Variants in ENPP3 observed in about 807,000 individuals in gnomAD.
ENPP3 encodes ectonucleotide pyrophosphatase/phosphodiesterase family member 3.
A neutral mutation model predicts 117.8 loss-of-function variants in ENPP3; 104 were observed. The ratio of observed to expected loss-of-function variants is 0.88; its 90% confidence interval spans 0.75 to 1.04. The LOEUF is 1.04. Among genes scored for constraint, ENPP3 ranks in the 50% least tolerant of loss-of-function variants. The pLI, the probability that ENPP3 is intolerant of heterozygous loss-of-function variation, is 0.00. For synonymous variants in ENPP3, 380 were observed against 349.9 expected (o/e 1.09, Z -0.96); for missense variants, 1,026 against 1,051.9 (o/e 0.98, Z 0.34).
Position 131,725,440 on chromosome 6 carries a change from T to A in ENPP3, c.1799-606T>A, listed in dbSNP as rs1467958237. Among the ~76,000 whole-genome samples, 3 of 151,884 alleles carry A rather than the reference T, an allele frequency of 2.0e-5. No individual in the cohort carries two copies. In the East Asian group the frequency reaches 5.8e-4, roughly 29 times the overall value. ...CTCTGAGCTCGTATAGTGGAAGGAG[T>A]GAAGGTGTCCCTAGGGTGTCTTTGA... On this transcript the variant is annotated intron_variant, in intron 19 of 24. Coordinates refer to ENST00000357639, the MANE Select transcript of ENPP3 (RefSeq NM_005021.5).
chr6:131,663,804 A>G (rs954827015), intron 6 of ENPP3, among the ~76,000 whole-genome samples: 5 of 152,116 alleles, frequency 3.3e-5, no homozygotes, highest in African/African-American at 1.2e-4. Flanking sequence ...AACCTACTGC[A>G]CTGCCAGTCA....
chr6:131,645,532 TTTC>T (rs1423826451), intron 2 of ENPP3, among the ~76,000 whole-genome samples: 26 of 152,246 alleles, frequency 1.7e-4, no homozygotes, highest in African/African-American at 6.0e-4. Flanking sequence ...TTAAAATCTC[TTTC>T]TTCTTGTTTC....
chr6:131,671,431 G>GA (rs1778739577), intron 7 of ENPP3, 104 bp downstream of exon 7: 2 of 722,008 alleles, frequency 2.8e-6, no homozygotes, highest in South Asian at 3.2e-5. Flanking sequence ...TTACCCTTCT[G>GA]AAGCACATGG....
intron 18 of ENPP3, among the ~76,000 whole-genome samples, chr6:131,723,827 TCA>T (rs1554268188): frequency 0.024 from 3,480 of 145,704 alleles, 157 homozygotes; most frequent in African/African-American, 0.081. Context: ...TCTCTCTCTC[TCA>T]CACACACACA....
intron 7 of ENPP3, among the ~76,000 whole-genome samples, chr6:131,671,866 G>A (rs9483314): frequency 0.019 from 2,963 of 152,262 alleles, 104 homozygotes; most frequent in African/African-American, 0.067. Flanking sequence ...ATTAAAATGA[G>A]CTCAAATAAA....
At chr6:131,729,868 T>G (rs1780238903) in intron 20 of ENPP3, among the ~76,000 whole-genome samples, 1 of 148,978 alleles carries the variant, frequency 6.7e-6, no homozygotes, top group Non-Finnish European at 1.5e-5. Context: ...AAATGTGACT[T>G]TTTTTTTTTA....
intron 9 of ENPP3, 119 bp from the exon 10 acceptor site, chr6:131,676,617 T>C (rs1778873592): frequency 3.0e-6 from 2 of 668,054 alleles, no homozygotes; most frequent in Admixed American, 2.3e-5. Flanking sequence ...TCCAGTATTG[T>C]GATTATATAG....
At position 131,733,643 on chromosome 6, in the gene ENPP3, G is replaced by A; in HGVS notation, c.2009G>A (p.Arg670Lys). The stretch of plus-strand genomic sequence containing the variant: ...CCAGACTGTCTGCGGGCTGATGTCA[G>A]GGTTCCTCCTTCTGAGAGCCAAAAA... Reference protein sequence around the residue: ...TVPDCLRADVRVPPSESQKCS... With the variant: ...TVPDCLRADVKVPPSESQKCS... The change falls in exon 21 of 25, where the codon AGG becomes AAG. Residue 670 changes from arginine (R) to lysine (K), a missense_variant. Transcript: ENST00000357639. The A allele has an allele frequency of 6.2e-7, 1 of 1,614,110 alleles. No homozygotes were observed. Among genetic ancestry groups the A allele is most frequent in the Non-Finnish European group, 8.5e-7 (1 of 1,179,986 alleles).
chr6:131,732,709 ACATTATTAT>A (rs1780310915), intron 20 of ENPP3, among the ~76,000 whole-genome samples: 1 of 108,336 alleles, frequency 9.2e-6, no homozygotes, highest in African/African-American at 3.3e-5. Context: ...CTGGCCTAAG[ACATTATTAT>A]TATTATTATT....
intron 2 of ENPP3, among the ~76,000 whole-genome samples, chr6:131,647,571 G>A (rs1258012594): frequency 6.6e-6 from 1 of 151,950 alleles, no homozygotes; most frequent in Non-Finnish European, 1.5e-5. Context: ...AAATGTCTAT[G>A]TATTCATCAT....
chr6:131,733,656 T>C lies in ENPP3; in HGVS notation c.2022T>C (p.Ser674=), dbSNP rs36124752. Residue 674 remains serine (S), a synonymous_variant, in exon 21 of 25, where the codon TCT becomes TCC. Transcript: ENST00000357639. ...CLRADVRVPP[S]ESQKCSFYLA... is the part of the protein sequence containing the mutation. ...GGGCTGATGTCAGGGTTCCTCCTTCTGAGAGCCAAAAATGTTCCTTCTATT... is the reference window on the plus strand; with the variant it reads ...GGGCTGATGTCAGGGTTCCTCCTTCCGAGAGCCAAAAATGTTCCTTCTATT... 892 of 1,614,148 alleles carry C rather than the reference T, an allele frequency of 5.5e-4. 4 individuals are homozygous for C. Among genetic ancestry groups the C allele is most frequent in the Non-Finnish European group, 3.2e-4 (377 of 1,179,992 alleles).
chr6:131,678,871 T>C (rs914305038), intron 11 of ENPP3, among the ~76,000 whole-genome samples: 1 of 151,966 alleles, frequency 6.6e-6, no homozygotes, highest in Non-Finnish European at 1.5e-5. Context: ...ATCTAAAATA[T>C]ATTCACCATG....
intron 2 of ENPP3, among the ~76,000 whole-genome samples, chr6:131,647,846 G>T (rs1489425190): frequency 6.6e-6 from 1 of 151,940 alleles, no homozygotes; most frequent in Non-Finnish European, 1.5e-5. Flanking sequence ...ATTTAAAAGG[G>T]TTTCTTCCAC....
chr6:131,739,926 G>A (rs1283260649), intron 23 of ENPP3, among the ~76,000 whole-genome samples: 1 of 143,720 alleles, frequency 7.0e-6, no homozygotes, highest in African/African-American at 2.7e-5. Flanking sequence ...AAAATCCAAA[G>A]TACCATTAGA....
intron 2 of ENPP3, among the ~76,000 whole-genome samples, chr6:131,649,791 A>G (rs1562427070): frequency 6.6e-6 from 1 of 152,140 alleles, no homozygotes; most frequent in Non-Finnish European, 1.5e-5. Context: ...CCTGACCTCA[A>G]GTGATTCTTC....
intron 2 of ENPP3, among the ~76,000 whole-genome samples, chr6:131,647,737 A>G (rs906346113): frequency 3.3e-5 from 5 of 152,180 alleles, no homozygotes; most frequent in Admixed American, 2.0e-4. Context: ...ATGTTTCATA[A>G]TATTGGAGAT....
chr6:131,686,686 A>C (rs1779160332), intron 14 of ENPP3, among the ~76,000 whole-genome samples: 1 of 152,074 alleles, frequency 6.6e-6, no homozygotes, highest in Admixed American at 6.6e-5. Context: ...CTAGTAGTCC[A>C]CAGTGTCTAT....
At chr6:131,684,895 G>A (rs969411584) in intron 12 of ENPP3, among the ~76,000 whole-genome samples, 2 of 151,776 alleles carry the variant, frequency 1.3e-5, no homozygotes, top group African/African-American at 4.8e-5. Flanking sequence ...AATGATTCTC[G>A]TGCCTTAGCC....
chr6:131,645,238 G>C (rs1293795974), intron 2 of ENPP3, among the ~76,000 whole-genome samples: 2 of 152,210 alleles, frequency 1.3e-5, no homozygotes, highest in Non-Finnish European at 2.9e-5. Context: ...GAAGTTTCAG[G>C]AAGTTAGGGT....
Sources: gnomAD v4.1 joint callset for allele counts (sites outside exome capture counted in the v4.1 genomes callset) on GRCh38, gnomAD v4.1.1 for gene constraint, MANE v1.5 for transcripts, NCBI Gene and HGNC (gene_info 2026-07-23, HGNC 2026-07-21) for gene names.